GMDS: variants seen among roughly 807,000 people sequenced by gnomAD.
GMDS encodes the protein GDP-mannose 4,6 dehydratase.
A neutral mutation model predicts 49.9 loss-of-function variants in GMDS; 20 were observed. The observed-to-expected ratio is 0.40, with a 90% CI of 0.28 to 0.58. The LOEUF (loss-of-function observed/expected upper bound fraction) is 0.58. GMDS is among the 20% of genes least tolerant of loss of function. The pLI is 0.42. For missense variants in GMDS, 362 were observed against 481.4 expected, an observed-to-expected ratio of 0.75 and a Z score of 2.32; for synonymous variants, 177 against 178.6, an observed-to-expected ratio of 0.99 and a Z score of 0.07.
At chr6:2,106,953 T>A (rs1774278379) in intron 4 of GMDS, among the ~76,000 whole-genome samples, 1 of 152,150 alleles carries the variant, frequency 6.6e-6, no homozygotes, top group Non-Finnish European at 1.5e-5. Context: ...CATCTAGAAA[T>A]TAATATTGTG....
intron 6 of GMDS, among the ~76,000 whole-genome samples, chr6:1,951,335 A>G (rs955671476): frequency 5.9e-5 from 9 of 152,192 alleles, no homozygotes; most frequent in African/African-American, 1.9e-4. Flanking sequence ...AAGTTCATGA[A>G]CCTTAAAAAT....
chr6:2,219,167 C>A (rs897719536), intron 1 of GMDS, among the ~76,000 whole-genome samples: 1 of 152,160 alleles, frequency 6.6e-6, no homozygotes, highest in Non-Finnish European at 1.5e-5. Flanking sequence ...AGGTGGCGGA[C>A]AGGCATAGGA....
chr6:2,175,717 CT>C (rs955120593), intron 1 of GMDS, among the ~76,000 whole-genome samples: 1 of 152,182 alleles, frequency 6.6e-6, no homozygotes. Context: ...TACACTGCCC[CT>C]CTCATGTTAC....
chr6:2,207,152 C>G (rs970519117), intron 1 of GMDS, among the ~76,000 whole-genome samples: 2 of 152,126 alleles, frequency 1.3e-5, no homozygotes, highest in Non-Finnish European at 2.9e-5. Context: ...ATTACGGGGT[C>G]AACAATAATC....
At chr6:1,986,986 C>T (rs1247697646) in intron 4 of GMDS, among the ~76,000 whole-genome samples, 1 of 152,130 alleles carries the variant, frequency 6.6e-6, no homozygotes, top group Non-Finnish European at 1.5e-5. Context: ...ACTGCAAAAG[C>T]ACAATAAACC....
intron 1 of GMDS, among the ~76,000 whole-genome samples, chr6:2,196,414 T>C (rs1041425394): frequency 6.6e-6 from 1 of 152,240 alleles, no homozygotes; most frequent in Admixed American, 6.5e-5. Flanking sequence ...AAGGCACAAG[T>C]CTACTTGGAA....
At position 2,143,638 on chromosome 6, in the gene GMDS, C is replaced by T. The variant is rs571524769; in HGVS notation, c.103-18907G>A. Among the ~76,000 whole-genome samples the T allele has an allele frequency of 4.6e-5, 7 of 152,228 alleles. No individual in the cohort carries two copies. The South Asian group carries it at 1.2e-3, about 27-fold the overall frequency. ...GTGAATGGCTGTGGGAGAGGCAAGG[C>T]GCCTCCCAAGCAGTGGCCTCCCACT... On this transcript the variant is annotated intron_variant, in intron 1 of 10. Coordinates refer to ENST00000380815, the MANE Select transcript of GMDS (RefSeq NM_001500.4).
At chr6:1,925,215 C>A (rs1761933560) in intron 7 of GMDS, among the ~76,000 whole-genome samples, 1 of 152,138 alleles carries the variant, frequency 6.6e-6, no homozygotes, top group Admixed American at 6.5e-5. Context: ...TGGAAGAGAT[C>A]TAACTGCCTA....
chr6:1,999,999 T>TA (rs1204471921), intron 4 of GMDS, among the ~76,000 whole-genome samples: 4 of 11,470 alleles, frequency 3.5e-4, no homozygotes, highest in Admixed American at 1.6e-3. Flanking sequence ...ATATATATTA[T>TA]ATATATATAT....
At chr6:1,991,705 T>G (rs1279695151) in intron 4 of GMDS, among the ~76,000 whole-genome samples, 4 of 152,184 alleles carry the variant, frequency 2.6e-5, no homozygotes, top group African/African-American at 9.7e-5. Flanking sequence ...TTGCCTAGTG[T>G]GGGATTGAAC....
intron 7 of GMDS, among the ~76,000 whole-genome samples, chr6:1,889,118 G>C (rs1487128020): frequency 6.6e-6 from 1 of 152,170 alleles, no homozygotes; most frequent in African/African-American, 2.4e-5. Context: ...CATGGATGCG[G>C]AACGTGTAAA....
chr6:2,144,203 G>A (rs1776441718), intron 1 of GMDS, among the ~76,000 whole-genome samples: 1 of 152,138 alleles, frequency 6.6e-6, no homozygotes, highest in African/African-American at 2.4e-5. Context: ...GCTAGAAAGA[G>A]GGCAAAGGAA....
chr6:1,896,722 C>T (rs909110522), intron 7 of GMDS, among the ~76,000 whole-genome samples: 1 of 152,156 alleles, frequency 6.6e-6, no homozygotes, highest in African/African-American at 2.4e-5. Flanking sequence ...AATACATGGG[C>T]AGGATTACCT....
chr6:2,105,615 T>C (rs926981317), intron 4 of GMDS, among the ~76,000 whole-genome samples: 2 of 152,268 alleles, frequency 1.3e-5, no homozygotes, highest in East Asian at 3.8e-4. Flanking sequence ...GTACTAATAA[T>C]GTGGGTTGAC....
At chr6:1,651,234 C>G (rs1763643882) in intron 9 of GMDS, among the ~76,000 whole-genome samples, 1 of 152,216 alleles carries the variant, frequency 6.6e-6, no homozygotes, top group Admixed American at 6.5e-5. Flanking sequence ...CTCACTGGGT[C>G]ATCAGCTCAC....
chr6:1,664,930 C>G (rs1295346044), intron 9 of GMDS, among the ~76,000 whole-genome samples: 1 of 152,170 alleles, frequency 6.6e-6, no homozygotes, highest in African/African-American at 2.4e-5. Flanking sequence ...GGATCGCTCT[C>G]ACACACCACA....
chr6:1,825,382 A>ACTGG (rs1399685744), intron 7 of GMDS, among the ~76,000 whole-genome samples: 2 of 152,272 alleles, frequency 1.3e-5, no homozygotes, highest in African/African-American at 4.8e-5. Context: ...AATAGCAGAC[A>ACTGG]AATAAATTAA....
At chr6:1,750,870 G>A (rs535310206) in intron 7 of GMDS, among the ~76,000 whole-genome samples, 38 of 152,190 alleles carry the variant, frequency 2.5e-4, no homozygotes, top group Non-Finnish European at 2.1e-4. Context: ...GACCTGGGAT[G>A]CCAGCGCTTG....
At chr6:2,112,047 T>A (rs933946186) in intron 4 of GMDS, among the ~76,000 whole-genome samples, 2 of 152,170 alleles carry the variant, frequency 1.3e-5, no homozygotes, top group African/African-American at 4.8e-5. Flanking sequence ...CCACGCCCGC[T>A]CTGGCCATGA....
Sources: gnomAD v4.1 joint callset for allele counts (sites outside exome capture counted in the v4.1 genomes callset) on GRCh38, gnomAD v4.1.1 for gene constraint, MANE v1.5 for transcripts, NCBI Gene and HGNC (gene_info 2026-07-23, HGNC 2026-07-21) for gene names.